SMYD3: variants seen among roughly 807,000 people sequenced by gnomAD.
The protein encoded by SMYD3 is SET and MYND domain containing 3.
A neutral mutation model predicts 57.7 loss-of-function variants in SMYD3; 36 were observed. That is an observed-to-expected ratio of 0.62 (90% confidence interval 0.48 to 0.82). The LOEUF is 0.82. SMYD3 is among the 40% of genes least tolerant of loss of function. The pLI, the probability that SMYD3 is intolerant of heterozygous loss-of-function variation, is 0.00. For missense variants in SMYD3, 515 were observed against 538.8 expected (o/e 0.96, Z 0.44); for synonymous variants, 211 against 195.0 (o/e 1.08, Z -0.68).
At chr1:246,359,795 T>C (rs2065960839) in intron 1 of SMYD3, among the ~76,000 whole-genome samples, 1 of 152,128 alleles carries the variant, frequency 6.6e-6, no homozygotes, top group South Asian at 2.1e-4. Context: ...AAAATCGGCA[T>C]AGAAGGGATA....
At chr1:246,259,308 C>T (rs2063956498) in intron 5 of SMYD3, among the ~76,000 whole-genome samples, 1 of 152,152 alleles carries the variant, frequency 6.6e-6, no homozygotes, top group African/African-American at 2.4e-5. Flanking sequence ...TAATCTTGTG[C>T]TGATTCTTTC....
chr1:245,862,722 TAATGTA>T (rs1007826779), intron 9 of SMYD3, among the ~76,000 whole-genome samples: 1 of 152,250 alleles, frequency 6.6e-6, no homozygotes, highest in African/African-American at 2.4e-5. Context: ...TGCTAACATC[TAATGTA>T]AGTTTCTTGA....
chr1:246,131,279 T>C lies in SMYD3; in HGVS notation c.531+195922A>G, dbSNP rs779689267. Among the ~76,000 whole-genome samples the C allele has an allele frequency of 9.7e-4, 147 of 152,200 alleles. 1 individual carries two copies. The highest frequency in any genetic ancestry group is 1.5e-3 in the Non-Finnish European group (99 of 68,026). On this transcript the variant is annotated intron_variant, in intron 5 of 11. Transcript: ENST00000490107. ...AGATCAAAGGTCTTGTCGTGTTTAA[T>C]TCCAGATTATTATAACAAAACACTG... is the stretch of plus-strand genomic sequence containing the variant.
intron 8 of SMYD3, among the ~76,000 whole-genome samples, chr1:245,908,800 G>A (rs1489840769): frequency 6.6e-6 from 1 of 152,022 alleles, no homozygotes; most frequent in Non-Finnish European, 1.5e-5. Flanking sequence ...AAAATGTATG[G>A]GTTACAGCAA....
intron 5 of SMYD3, among the ~76,000 whole-genome samples, chr1:246,051,006 C>T (rs958076348): frequency 6.6e-6 from 1 of 152,016 alleles, no homozygotes; most frequent in Non-Finnish European, 1.5e-5. Flanking sequence ...AAATTCAAGG[C>T]TACAGACACA....
chr1:245,908,875 A>G (rs2054765927), intron 8 of SMYD3, among the ~76,000 whole-genome samples: 2 of 152,200 alleles, frequency 1.3e-5, no homozygotes, highest in Admixed American at 1.3e-4. Flanking sequence ...GAAGATTTCA[A>G]GTTAAAAAGT....
intron 8 of SMYD3, among the ~76,000 whole-genome samples, chr1:245,876,434 TG>T (rs2052489593): frequency 6.6e-6 from 1 of 152,228 alleles, no homozygotes; most frequent in Non-Finnish European, 1.5e-5. Flanking sequence ...GCGTGGCCTT[TG>T]CCGCCTCAGC....
chr1:245,774,694 T>C (rs1277290113), intron 10 of SMYD3, among the ~76,000 whole-genome samples: 1 of 126,576 alleles, frequency 7.9e-6, no homozygotes, highest in Non-Finnish European at 1.8e-5. Flanking sequence ...ACGGTCTCCC[T>C]CTCCCTCTCC....
chr1:246,283,562 T>C (rs1400334733), intron 5 of SMYD3, among the ~76,000 whole-genome samples: 1 of 152,210 alleles, frequency 6.6e-6, no homozygotes, highest in East Asian at 1.9e-4. Context: ...AACGTCCTCA[T>C]TCATATATAC....
chr1:246,002,900 C>A (rs1194931157), intron 5 of SMYD3, among the ~76,000 whole-genome samples: 3 of 152,204 alleles, frequency 2.0e-5, no homozygotes, highest in Non-Finnish European at 2.9e-5. Context: ...CAGGCCTGAG[C>A]CTCCGCGCCC....
At chr1:245,814,276 G>T (rs2048662328) in intron 10 of SMYD3, 2 of 669,932 alleles carry the variant, frequency 3.0e-6, no homozygotes, top group Non-Finnish European at 3.7e-6. Flanking sequence ...TAATTTCAGT[G>T]TATAGCTACC....
chr1:246,387,330 T>C (rs2066501368), intron 1 of SMYD3, among the ~76,000 whole-genome samples: 1 of 152,234 alleles, frequency 6.6e-6, no homozygotes, highest in African/African-American at 2.4e-5. Flanking sequence ...GAGGCAACAC[T>C]GTTAACTTTG....
intron 11 of SMYD3, among the ~76,000 whole-genome samples, chr1:245,758,078 T>G (rs1389168834): frequency 6.6e-6 from 1 of 152,166 alleles, no homozygotes; most frequent in Non-Finnish European, 1.5e-5. Flanking sequence ...TCATTCTCCT[T>G]ATTTATGCCT....
chr1:246,218,401 A>G (rs937902081), intron 5 of SMYD3, among the ~76,000 whole-genome samples: 6 of 152,118 alleles, frequency 3.9e-5, no homozygotes, highest in African/African-American at 1.2e-4. Context: ...AGGCAGGCGG[A>G]TCACGAGGTC....
intron 10 of SMYD3, among the ~76,000 whole-genome samples, 158 bp downstream of exon 10, chr1:245,858,338 G>C (rs2051361156): frequency 6.6e-6 from 1 of 152,266 alleles, no homozygotes; most frequent in Non-Finnish European, 1.5e-5. Flanking sequence ...GAATGAACAA[G>C]AGGAGTGAAT....
intron 5 of SMYD3, among the ~76,000 whole-genome samples, chr1:245,937,179 T>C (rs1009885629): frequency 1.5e-4 from 23 of 152,174 alleles, no homozygotes; most frequent in Non-Finnish European, 1.5e-5. Flanking sequence ...CAGTGCACAC[T>C]AGACACACAA....
chr1:246,330,183 A>G (rs2065436337), intron 4 of SMYD3, among the ~76,000 whole-genome samples: 2 of 152,218 alleles, frequency 1.3e-5, no homozygotes, highest in Non-Finnish European at 2.9e-5. Flanking sequence ...CAAGAGACAG[A>G]AGAAGGGAAA....
At chr1:246,249,256 A>C (rs537201360) in intron 5 of SMYD3, among the ~76,000 whole-genome samples, 1 of 152,034 alleles carries the variant, frequency 6.6e-6, no homozygotes, top group South Asian at 2.1e-4. Flanking sequence ...GGCGCCTGCC[A>C]CCACACCTGG....
intron 10 of SMYD3, among the ~76,000 whole-genome samples, chr1:245,803,001 C>T (rs557760835): frequency 3.9e-4 from 59 of 152,330 alleles, no homozygotes; most frequent in African/African-American, 1.4e-3. Flanking sequence ...CCACTTGCCT[C>T]TCAAAACTGC....
Sources: gnomAD v4.1 joint callset for allele counts (sites outside exome capture counted in the v4.1 genomes callset) on GRCh38, gnomAD v4.1.1 for gene constraint, MANE v1.5 for transcripts, NCBI Gene and HGNC (gene_info 2026-07-23, HGNC 2026-07-21) for gene names.